GLT8D2: variants seen among roughly 807,000 people sequenced by gnomAD.
GLT8D2 encodes glycosyltransferase 8 domain containing 2.
In GLT8D2, 45 loss-of-function variants were observed where a neutral mutation model predicts 44.5. The observed-to-expected ratio is 1.01, with a 90% CI of 0.80 to 1.30. GLT8D2 has a LOEUF of 1.30. Among genes scored for constraint, GLT8D2 ranks in the 50% most tolerant of loss-of-function variants. GLT8D2 has a pLI of 0.00. For synonymous variants in GLT8D2, 156 were observed against 157.2 expected (o/e 0.99, Z 0.06); for missense variants, 400 against 430.4 (o/e 0.93, Z 0.62).
rs771238121 is a variant in GLT8D2, at chr12:103,997,537, T to G, written c.403-2A>C. 1 of 1,610,292 alleles carries G rather than the reference T, an allele frequency of 6.2e-7. No individual in the cohort carries two copies. The highest frequency in any genetic ancestry group is 2.2e-5 in the East Asian group (1 of 44,846). Reference sequence around the variant, plus strand: ...GAGATAAAATCGAACAAAGTTCAGCTGTTAAAACGACAAAAGAAATGATGG... The same window carrying G: ...GAGATAAAATCGAACAAAGTTCAGCGGTTAAAACGACAAAAGAAATGATGG... On this transcript the variant is annotated splice_acceptor_variant, in intron 6 of 10. Coordinates refer to ENST00000360814, the MANE Select transcript of GLT8D2 (RefSeq NM_001384711.1). LOFTEE classifies it high-confidence loss of function.
chr12:104,030,011 C>T (rs770707852), intron 1 of GLT8D2, among the ~76,000 whole-genome samples: 11 of 152,018 alleles, frequency 7.2e-5, no homozygotes, highest in Non-Finnish European at 1.0e-4. Context: ...CATATGGAAC[C>T]GCAAAAGCCC....
chr12:104,022,863 A>G (rs984488007), intron 1 of GLT8D2, among the ~76,000 whole-genome samples: 3 of 152,124 alleles, frequency 2.0e-5, no homozygotes, highest in East Asian at 1.9e-4. Context: ...AACCATTCTC[A>G]TGTTCTATCA....
Position 104,024,163 on chromosome 12 carries a change from C to T in GLT8D2, c.-163-2672G>A, listed in dbSNP as rs138236072. 8.6e-3 allele frequency among the ~76,000 whole-genome samples: 1,308 copies of T among 152,274 alleles called. 23 individuals are homozygous for T. Among genetic ancestry groups the T allele is most frequent in the African/African-American group, 0.029 (1,203 of 41,558 alleles). Reference sequence around the variant, plus strand: ...TTGGGAAGCCAAGATGGGAGGACCACTTGAGCTCAGGAGTTCGAGACCAGC... The same window carrying T: ...TTGGGAAGCCAAGATGGGAGGACCATTTGAGCTCAGGAGTTCGAGACCAGC... On this transcript the variant is annotated intron_variant, in intron 1 of 10. Coordinates refer to ENST00000360814, the MANE Select transcript of GLT8D2 (RefSeq NM_001384711.1).
At chr12:104,047,971 T>A (rs1001188711) in intron 1 of GLT8D2, among the ~76,000 whole-genome samples, 1 of 152,238 alleles carries the variant, frequency 6.6e-6, no homozygotes, top group Non-Finnish European at 1.5e-5. Flanking sequence ...TCTCTGCTGT[T>A]TTAATACTGC....
chr12:104,016,819 G>GA (rs1332286622), intron 3 of GLT8D2, among the ~76,000 whole-genome samples: 1 of 66,144 alleles, frequency 1.5e-5, no homozygotes, highest in Non-Finnish European at 3.1e-5. Flanking sequence ...AAGAAAGAAA[G>GA]AGAAAGAAAA....
intron 9 of GLT8D2, chr12:103,993,756 T>G (rs954039327): frequency 2.7e-6 from 1 of 372,760 alleles, no homozygotes; most frequent in Admixed American, 4.2e-5. Context: ...CCCAGGGTTT[T>G]AAATAGTAGA....
intron 1 of GLT8D2, among the ~76,000 whole-genome samples, chr12:104,039,393 C>A (rs1429726312): frequency 6.6e-6 from 1 of 152,020 alleles, no homozygotes; most frequent in Non-Finnish European, 1.5e-5. Context: ...TGCAATCTAC[C>A]CATCTGACAA....
At chr12:104,017,477 C>T (rs1275811141) in intron 3 of GLT8D2, among the ~76,000 whole-genome samples, 1 of 152,136 alleles carries the variant, frequency 6.6e-6, no homozygotes, top group Non-Finnish European at 1.5e-5. Context: ...CCCCCACCAC[C>T]ATGCCTGGCT....
intron 4 of GLT8D2, among the ~76,000 whole-genome samples, chr12:104,005,060 G>T (rs1874791714): frequency 6.6e-6 from 1 of 151,940 alleles, no homozygotes; most frequent in African/African-American, 2.4e-5. Context: ...CAGAACAGAG[G>T]CCCCAGAAAT....
intron 4 of GLT8D2, among the ~76,000 whole-genome samples, chr12:104,008,536 G>A (rs897382725): frequency 6.6e-6 from 1 of 152,082 alleles, no homozygotes; most frequent in African/African-American, 2.4e-5. Context: ...AAAATTTGCA[G>A]CCTGACAATG....
Position 104,008,166 on chromosome 12 carries a change from T to C in GLT8D2, c.113-4860A>G, listed in dbSNP as rs116664547. Among the ~76,000 whole-genome samples the C allele has an allele frequency of 8.6e-3, 1,311 of 152,064 alleles. 23 individuals are homozygous for C. Among genetic ancestry groups the C allele is most frequent in the African/African-American group, 0.029 (1,202 of 41,460 alleles). On this transcript the variant is annotated intron_variant, in intron 4 of 10. Coordinates refer to ENST00000360814, the MANE Select transcript of GLT8D2 (RefSeq NM_001384711.1). ...GGTGACAAACAGAGGTTGGAAGAGT[T>C]TGGAGGGGTCAGAAGAAGACAGGAA...
At chr12:104,026,853 T>A (rs1037984758) in intron 1 of GLT8D2, among the ~76,000 whole-genome samples, 1 of 152,356 alleles carries the variant, frequency 6.6e-6, no homozygotes, top group Admixed American at 6.5e-5. Context: ...TTGATCCTTC[T>A]TAACTATGGT....
upstream of GLT8D2, chr12:104,064,345 G>A (rs762807745): frequency 4.5e-6 from 2 of 443,318 alleles, no homozygotes; most frequent in Non-Finnish European, 7.9e-6. The surrounding 1 kb of genome is among the most constrained non-coding windows in gnomAD (Gnocchi z 7.3). Flanking sequence ...GCTCCGGGTG[G>A]CCGCTGGCCA....
chr12:103,994,065 A>G (rs1405971158), intron 9 of GLT8D2: 3 of 222,818 alleles, frequency 1.3e-5, no homozygotes, highest in Non-Finnish European at 2.6e-5. Flanking sequence ...TGTTTGGTGG[A>G]AAAGATTCAA....
chr12:104,056,023 C>T (rs535053768), intron 1 of GLT8D2, among the ~76,000 whole-genome samples: 2 of 152,250 alleles, frequency 1.3e-5, no homozygotes, highest in African/African-American at 2.4e-5. Context: ...GCAATTGCTC[C>T]AGCACCTGAG....
intron 4 of GLT8D2, among the ~76,000 whole-genome samples, chr12:104,006,191 C>G (rs1319924106): frequency 7.1e-6 from 1 of 141,144 alleles, no homozygotes; most frequent in Non-Finnish European, 1.5e-5. Flanking sequence ...AATGAGAACA[C>G]TTGGACACAG....
chr12:104,034,616 G>A (rs1048284498), intron 1 of GLT8D2, among the ~76,000 whole-genome samples: 5 of 152,264 alleles, frequency 3.3e-5, no homozygotes, highest in Admixed American at 6.5e-5. Flanking sequence ...TGAGGTTTGA[G>A]TGGGTAAACA....
intron 4 of GLT8D2, chr12:104,012,631 T>C (rs1876016135): frequency 3.1e-6 from 1 of 326,176 alleles, no homozygotes; most frequent in South Asian, 6.9e-5. Flanking sequence ...GTGACTTCCT[T>C]CTCTCTCTCT....
At chr12:104,019,426 C>A (rs6539119) in intron 3 of GLT8D2, among the ~76,000 whole-genome samples, 5,633 of 152,178 alleles carry the variant, frequency 0.037, 185 homozygotes, top group South Asian at 0.084. Flanking sequence ...GTGCGCCCAG[C>A]CGATAAGTCC....
Sources: gnomAD v4.1 joint callset for allele counts (sites outside exome capture counted in the v4.1 genomes callset) on GRCh38, gnomAD v4.1.1 for gene constraint, Gnocchi (gnomAD v3.1) non-coding constraint, MANE v1.5 for transcripts, NCBI Gene and HGNC (gene_info 2026-07-23, HGNC 2026-07-21) for gene names.